The following ATP13A5 variants were observed in gnomAD, a reference collection of about 807,000 sequenced individuals.
The protein encoded by ATP13A5 is ATPase 13A5, also known as probable cation-transporting ATPase 13A5.
A neutral mutation model predicts 150.2 loss-of-function variants in ATP13A5; 149 were observed. The ratio of observed to expected loss-of-function variants is 0.99; its 90% confidence interval spans 0.87 to 1.14. ATP13A5 has a LOEUF of 1.14. Ranked by LOEUF, ATP13A5 falls within the 50% of genes most tolerant of loss-of-function variation. ATP13A5 has a pLI of 0.00. For synonymous variants in ATP13A5, 497 were observed against 522.2 expected (o/e 0.95, Z 0.66); for missense variants, 1,383 against 1,449.3 (o/e 0.95, Z 0.74).
intron 12 of ATP13A5, 124 bp downstream of exon 12, chr3:193,330,999 T>C: frequency 1.0e-6 from 1 of 965,142 alleles, no homozygotes; most frequent in Non-Finnish European, 1.5e-6. Flanking sequence ...CTCTGTGACC[T>C]TCTCTGGCCT....
chr3:193,289,803 A>G (rs1016271612), intron 26 of ATP13A5, 82 bp downstream of exon 26: 4 of 1,354,972 alleles, frequency 3.0e-6, no homozygotes, highest in Non-Finnish European at 4.0e-6. Context: ...GTTTTAGGAT[A>G]TATGTTCAAG....
At chr3:193,372,842 G>C (rs1047909071) in intron 1 of ATP13A5, among the ~76,000 whole-genome samples, 4 of 152,164 alleles carry the variant, frequency 2.6e-5, no homozygotes, top group African/African-American at 9.7e-5. Flanking sequence ...ATCCAGCCTA[G>C]ACAAATTTTT....
intron 15 of ATP13A5, among the ~76,000 whole-genome samples, chr3:193,322,157 A>G (rs752310723): frequency 2.0e-5 from 3 of 152,130 alleles, no homozygotes; most frequent in African/African-American, 4.8e-5. Context: ...CTCTTTCTTC[A>G]GCCTTGATTA....
chr3:193,298,548 A>G (rs970712221), intron 25 of ATP13A5, among the ~76,000 whole-genome samples: 2 of 152,098 alleles, frequency 1.3e-5, no homozygotes, highest in African/African-American at 2.4e-5. Context: ...AGAGATGACA[A>G]TGCCATTCTT....
intron 26 of ATP13A5, among the ~76,000 whole-genome samples, chr3:193,285,489 C>G (rs1328072980): frequency 6.6e-6 from 1 of 152,114 alleles, no homozygotes; most frequent in Admixed American, 6.5e-5. Flanking sequence ...GTCTGCCACT[C>G]CTATTTACTT....
At position 193,305,613 on chromosome 3, in the gene ATP13A5, G is replaced by A. The variant is rs1203988884; in HGVS notation, c.2624C>T (p.Ala875Val). The change falls in exon 23 of 30, where the codon GCA becomes GTA. Residue 875 changes from alanine (A) to valine (V), a missense_variant. By Grantham distance (64) the Ala-to-Val change is moderately conservative. This residue lies in a region of ATP13A5 where 568 missense variants were observed against 621.5 expected (regional missense o/e 0.91). Transcript: ENST00000342358. ...ISLSEQEASV[A>V]SPFTSKTTNI... is the part of the protein sequence containing the mutation. ...GGTTGTTTTAGAGGTAAAAGGGGAT[G>A]CCACAGATGCTTCCTGCTCTGATAA... is the stretch of plus-strand genomic sequence containing the variant. 3 of 1,613,976 alleles carry A rather than the reference G, an allele frequency of 1.9e-6. No individual in the cohort carries two copies. Among genetic ancestry groups the A allele is most frequent in the Non-Finnish European group, 2.5e-6 (3 of 1,179,892 alleles).
At chr3:193,314,236 C>A (rs750085173) in intron 18 of ATP13A5, 43 bp from the exon 19 acceptor site, 2 of 1,594,092 alleles carry the variant, frequency 1.3e-6, no homozygotes, top group Non-Finnish European at 1.7e-6. Context: ...TACAAACCTC[C>A]CCTCAGCAAC....
chr3:193,305,342 C>T (rs1231990205), intron 23 of ATP13A5, among the ~76,000 whole-genome samples: 1 of 152,132 alleles, frequency 6.6e-6, no homozygotes, highest in Admixed American at 6.5e-5. Flanking sequence ...TTACATGATA[C>T]CCACCTATCC....
In ATP13A5 at chr3:193,344,992, A is replaced by G. The variant is rs1712278870; in HGVS notation, c.814+11T>C. On this transcript the variant is annotated intron_variant, in intron 8 of 29. Transcript: ENST00000342358. Reference sequence around the variant, plus strand: ...ATTAAGATGCTGAAGATGGCCTAACACATCACTTACCTTTGTCTTTTACAA... The same window carrying G: ...ATTAAGATGCTGAAGATGGCCTAACGCATCACTTACCTTTGTCTTTTACAA... 6.2e-7 allele frequency: 1 copy of G among 1,610,310 alleles called. No homozygotes were observed. Among genetic ancestry groups the G allele is most frequent in the African/African-American group, 1.3e-5 (1 of 74,824 alleles).
At chr3:193,358,691 G>A (rs1259988435) in intron 5 of ATP13A5, among the ~76,000 whole-genome samples, 1 of 152,150 alleles carries the variant, frequency 6.6e-6, no homozygotes, top group Non-Finnish European at 1.5e-5. Flanking sequence ...ATAGCCTCAG[G>A]AAAACTCGAG....
At chr3:193,276,412 T>A (rs1012880899) in intron 29 of ATP13A5, among the ~76,000 whole-genome samples, 1 of 152,216 alleles carries the variant, frequency 6.6e-6, no homozygotes, top group African/African-American at 2.4e-5. Flanking sequence ...AAAGTCTCTT[T>A]GGGTTTTAGG....
chr3:193,339,957 C>T (rs1478088953), intron 9 of ATP13A5, among the ~76,000 whole-genome samples: 3 of 152,144 alleles, frequency 2.0e-5, no homozygotes, highest in Non-Finnish European at 4.4e-5. Flanking sequence ...AGATAATAGT[C>T]AGATGATTTT....
At chr3:193,306,109 A>T (rs111560478) in intron 22 of ATP13A5, among the ~76,000 whole-genome samples, 8 of 151,620 alleles carry the variant, frequency 5.3e-5, no homozygotes, top group Admixed American at 1.3e-4. Flanking sequence ...ATCCTATAAG[A>T]ATTGTGTGGG....
At chr3:193,299,582 A>G (rs982867675) in intron 24 of ATP13A5, among the ~76,000 whole-genome samples, 4 of 152,140 alleles carry the variant, frequency 2.6e-5, no homozygotes, top group Admixed American at 2.6e-4. Context: ...AATTCATTCA[A>G]TAGGCATTGC....
intron 20 of ATP13A5, among the ~76,000 whole-genome samples, chr3:193,311,244 G>A (rs891160098): frequency 6.6e-6 from 1 of 152,144 alleles, no homozygotes; most frequent in East Asian, 1.9e-4. Flanking sequence ...TTGACTGCTA[G>A]GGTGACAGAA....
At chr3:193,362,753 CTTTCT>C (rs1178830261) in intron 3 of ATP13A5, 116 bp from the exon 4 acceptor site, 118 of 65,762 alleles carry the variant, frequency 1.8e-3, no homozygotes, top group Admixed American at 0.012. Flanking sequence ...TGCTTTCCTT[CTTTCT>C]TTCTTTCTTT....
chr3:193,300,373 A>T (rs911568450), intron 24 of ATP13A5, among the ~76,000 whole-genome samples: 1 of 152,120 alleles, frequency 6.6e-6, no homozygotes, highest in Admixed American at 6.6e-5. Flanking sequence ...GTTCTTTTGG[A>T]TGAAGAACTT....
chr3:193,344,950 C>A (rs1246346529), intron 8 of ATP13A5, 53 bp downstream of exon 8: 3 of 1,482,558 alleles, frequency 2.0e-6, no homozygotes, highest in East Asian at 4.5e-5. Flanking sequence ...CAAATGAGAC[C>A]AATTCCCCCC....
Position 193,355,909 on chromosome 3 carries a change from G to A in ATP13A5, c.537-1713C>T, listed in dbSNP as rs76487307. On this transcript the variant is annotated intron_variant, in intron 5 of 29. Transcript: ENST00000342358. The stretch of plus-strand genomic sequence containing the variant: ...AGTTTGTAAATGCCTACTCAGCCTC[G>A]GAGAGCCAGATCCGACAATCAAGCT... Among the ~76,000 whole-genome samples, 373 of 152,186 alleles carry A rather than the reference G, an allele frequency of 2.5e-3. 1 individual carries two copies. Among genetic ancestry groups the A allele is most frequent in the African/African-American group, 8.5e-3 (354 of 41,528 alleles).
Sources: allele counts gnomAD v4.1 joint callset (sites outside exome capture counted in the v4.1 genomes callset), GRCh38; gene constraint gnomAD v4.1.1; regional missense constraint gnomAD v4.1.1; transcripts MANE v1.5; gene names NCBI Gene and HGNC (gene_info 2026-07-23, HGNC 2026-07-21).